Variants in DCPH1 observed in about 807,000 individuals in gnomAD.
DCPH1 encodes damage control phosphatase 1.
the DCPH1 span, chr6:151,452,610 C>G: frequency 1.3e-6 from 2 of 1,598,030 alleles, no homozygotes; most frequent in Admixed American, 1.8e-5. Flanking sequence ...TTCTCCTCCC[C>G]ACTTTTGCGG....
chr6:151,464,425 G>A, the DCPH1 span: 2 of 1,550,638 alleles, frequency 1.3e-6, no homozygotes, highest in Non-Finnish European at 1.8e-6. Context: ...AAACTAAAAT[G>A]TTTCACTTTG....
At chr6:151,464,416 A>G in the DCPH1 span, 92,819 of 1,503,826 alleles carry the variant, frequency 0.062, 3,646 homozygotes, top group East Asian at 0.16. Flanking sequence ...CAAATGTACA[A>G]ACTAAAATGT....
At chr6:151,459,548 T>G in the DCPH1 span, among the ~76,000 whole-genome samples, 1 of 152,096 alleles carries the variant, frequency 6.6e-6, no homozygotes, top group Admixed American at 6.5e-5. Context: ...TCCCAACACT[T>G]TGGGAGGCTA....
At chr6:151,452,494 G>C in the DCPH1 span, 1 of 1,604,802 alleles carries the variant, frequency 6.2e-7, no homozygotes. Context: ...TACCGCCTCT[G>C]TTTCTGCGGC....
At chr6:151,460,244 T>A in the DCPH1 span, among the ~76,000 whole-genome samples, 1 of 151,830 alleles carries the variant, frequency 6.6e-6, no homozygotes, top group Non-Finnish European at 1.5e-5. Flanking sequence ...CATGCCTGGC[T>A]AACTTTTTTT....
the DCPH1 span, chr6:151,469,376 T>C: frequency 3.0e-6 from 1 of 336,682 alleles, no homozygotes; most frequent in African/African-American, 2.1e-5. Context: ...GTTAAATATA[T>C]AATTTCAAGT....
chr6:151,453,888 C>G, the DCPH1 span, among the ~76,000 whole-genome samples: 1 of 152,162 alleles, frequency 6.6e-6, no homozygotes, highest in East Asian at 1.9e-4. Context: ...CTCCAGCTTG[C>G]TTCATTCTTG....
the DCPH1 span, chr6:151,458,331 G>T: frequency 6.2e-7 from 1 of 1,609,088 alleles, no homozygotes; most frequent in African/African-American, 1.3e-5. Flanking sequence ...TTTGCAGGAA[G>T]GCGTGGAAGC....
chr6:151,458,301 C>A, the DCPH1 span: 1 of 1,601,552 alleles, frequency 6.2e-7, no homozygotes, highest in South Asian at 1.1e-5. Flanking sequence ...CACACACACA[C>A]AATTTATTTT....
chr6:151,461,342 G>A, the DCPH1 span, among the ~76,000 whole-genome samples: 1 of 152,040 alleles, frequency 6.6e-6, no homozygotes, highest in African/African-American at 2.4e-5. Context: ...GCACATTTAT[G>A]ACCCAGTTGG....
chr6:151,466,278 G>GCTT, the DCPH1 span, among the ~76,000 whole-genome samples: 1 of 150,102 alleles, frequency 6.7e-6, no homozygotes, highest in Non-Finnish European at 1.5e-5. Context: ...TCTGCCTTAT[G>GCTT]CTTAGCCTTG....
the DCPH1 span, chr6:151,458,641 A>G: frequency 1.5e-6 from 2 of 1,375,366 alleles, no homozygotes; most frequent in Non-Finnish European, 2.0e-6. Flanking sequence ...GTAAAAGGAT[A>G]AGTTTAAAAA....
the DCPH1 span, among the ~76,000 whole-genome samples, chr6:151,453,369 A>G: frequency 9.8e-4 from 150 of 152,366 alleles, no homozygotes; most frequent in African/African-American, 3.6e-3. Context: ...GTAAAATCTC[A>G]AAAAAGGACT....
chr6:151,458,624 T>C, the DCPH1 span: 1 of 1,461,260 alleles, frequency 6.8e-7, no homozygotes, highest in Non-Finnish European at 9.3e-7. Context: ...ATACTTTTTC[T>C]GAAATTGTAA....
the DCPH1 span, chr6:151,454,425 T>TAG: frequency 1.6e-6 from 1 of 627,090 alleles, no homozygotes; most frequent in African/African-American, 1.9e-5. Flanking sequence ...ATACAATACT[T>TAG]GTCTATCTTT....
At chr6:151,461,723 G>A in the DCPH1 span, among the ~76,000 whole-genome samples, 2 of 152,154 alleles carry the variant, frequency 1.3e-5, no homozygotes, top group Non-Finnish European at 2.9e-5. Context: ...AATACAAATT[G>A]CTTAATTTAT....
the DCPH1 span, chr6:151,452,780 G>A: frequency 3.6e-6 from 2 of 561,244 alleles, no homozygotes; most frequent in Non-Finnish European, 6.1e-6. Context: ...CGGGGAGGGA[G>A]CCTGCCCGCG....
the DCPH1 span, among the ~76,000 whole-genome samples, chr6:151,463,123 T>C: frequency 6.6e-6 from 1 of 152,202 alleles, no homozygotes; most frequent in Non-Finnish European, 1.5e-5. Context: ...TTCAAAAATA[T>C]AAAAACCACT....
the DCPH1 span, among the ~76,000 whole-genome samples, chr6:151,453,336 A>C: frequency 6.6e-6 from 1 of 152,220 alleles, no homozygotes; most frequent in Non-Finnish European, 1.5e-5. Context: ...TAGTTAGGAA[A>C]ACAGTAATAC....
Sources: allele counts gnomAD v4.1 joint callset (sites outside exome capture counted in the v4.1 genomes callset), GRCh38; gene constraint gnomAD v4.1.1; transcripts MANE v1.5; gene names NCBI Gene and HGNC (gene_info 2026-07-23, HGNC 2026-07-21).